The following NID2 variants were observed in gnomAD, a reference collection of about 807,000 sequenced individuals.
NID2 encodes the protein nidogen-2.
Under a neutral mutation model 145.4 loss-of-function variants are expected in NID2, and 83 were observed. The observed-to-expected ratio is 0.57, with a 90% CI of 0.48 to 0.69. NID2 has a LOEUF of 0.69. NID2 is among the 30% of genes least tolerant of loss of function. The pLI is 0.00. For missense variants in NID2, 1,807 were observed against 1,765.7 expected, an observed-to-expected ratio of 1.02 and a Z score of -0.42; for synonymous variants, 739 against 701.3, an observed-to-expected ratio of 1.05 and a Z score of -0.85.
chr14:52,050,743 G>A (rs1892653508), intron 5 of NID2, among the ~76,000 whole-genome samples: 1 of 152,252 alleles, frequency 6.6e-6, no homozygotes, highest in African/African-American at 2.4e-5. Context: ...GAGTAGCTAG[G>A]ACCACAGGTG....
At position 52,011,158 on chromosome 14, in the gene NID2, A is replaced by G. The variant is rs957454427; in HGVS notation, c.3551-111T>C. On this transcript the variant is annotated intron_variant, in intron 17 of 21. Transcript: ENST00000216286. ...GGGTCAGCAGGGGAAAGCAAAGCCC[A>G]AGTGTCTCCAAGTCCCCAAGAACCA... 7 of 909,114 alleles carry G rather than the reference A, an allele frequency of 7.7e-6. No homozygotes were observed. The African/African-American group carries it at 8.4e-5, about 11-fold the overall frequency. The allele number at this position is 909,114 out of a possible 1,614,324, so 56.3% of individuals were successfully genotyped here.
At chr14:52,057,035 T>G (rs1892869072) in intron 3 of NID2, among the ~76,000 whole-genome samples, 1 of 152,152 alleles carries the variant, frequency 6.6e-6, no homozygotes. Flanking sequence ...ATAACTTTAC[T>G]CTTAATTACT....
Position 52,040,679 on chromosome 14 carries a change from G to A in NID2, c.1998C>T (p.Tyr666=), listed in dbSNP as rs143509619. Residue 666 remains tyrosine, a synonymous_variant, in exon 8 of 22, where the codon TAC becomes TAT. Coordinates refer to ENST00000216286, the MANE Select transcript of NID2 (RefSeq NM_007361.4). ...AGTCGGAGTAGTGGTACAGCTCCTT[G>A]TAGGGAGAGATGTGGGCTGTGAAAT... ...SANFTAHISP[Y]KELYHYSDST... is the part of the protein sequence containing the mutation. 6.2e-7 allele frequency: 1 copy of A among 1,614,100 alleles called. No individual in the cohort carries two copies. The highest frequency in any genetic ancestry group is 1.1e-5 in the South Asian group (1 of 91,080).
intron 8 of NID2, among the ~76,000 whole-genome samples, chr14:52,039,398 C>A (rs1378160475): frequency 1.3e-5 from 2 of 152,174 alleles, no homozygotes; most frequent in Non-Finnish European, 2.9e-5. Flanking sequence ...TGACTCTACA[C>A]CCTAAATTTT....
At chr14:52,031,067 A>G (rs1022457079) in intron 9 of NID2, among the ~76,000 whole-genome samples, 1 of 152,212 alleles carries the variant, frequency 6.6e-6, no homozygotes, top group Admixed American at 6.5e-5. Context: ...ATAAAAGTCT[A>G]GCAGTCTGGT....
rs375135702 is a variant in NID2, at chr14:52,010,989, C to G, written c.3609G>C (p.Thr1203=). The change falls in exon 18 of 22, where the codon ACG becomes ACC. Residue 1203 remains threonine, a synonymous_variant. Coordinates refer to ENST00000216286, the MANE Select transcript of NID2 (RefSeq NM_007361.4). ...IDHIRRTMYW[T]DSVLDKIESA... ...TCTCTATCTTATCCAGGACACTGTC[C>G]GTCCAGTACATTGTTCTGCGGATGT... 1.2e-6 allele frequency: 2 copies of G among 1,614,062 alleles called. No individual in the cohort carries two copies. The highest frequency in any genetic ancestry group is 1.7e-6 in the Non-Finnish European group (2 of 1,180,040).
chr14:52,044,961 G>A (rs1892434121), intron 5 of NID2, among the ~76,000 whole-genome samples: 1 of 152,116 alleles, frequency 6.6e-6, no homozygotes, highest in African/African-American at 2.4e-5. Context: ...TAAAGCTGAG[G>A]CACAGTAGAC....
intron 16 of NID2, among the ~76,000 whole-genome samples, chr14:52,012,199 A>G (rs966584383): frequency 6.6e-6 from 1 of 152,160 alleles, no homozygotes; most frequent in Non-Finnish European, 1.5e-5. Flanking sequence ...TATGCCAACA[A>G]AATCTACTCT....
intron 19 of NID2, chr14:52,007,251 T>TA: frequency 6.5e-6 from 1 of 154,842 alleles, no homozygotes; most frequent in East Asian, 1.9e-4. Flanking sequence ...AACTGGGTTA[T>TA]AAAAGTGACC....
At chr14:52,021,061 C>T (rs927515422) in intron 12 of NID2, among the ~76,000 whole-genome samples, 6 of 149,910 alleles carry the variant, frequency 4.0e-5, no homozygotes, top group African/African-American at 9.8e-5. Flanking sequence ...TTAAAACTAA[C>T]GCCCAAGGGA....
At position 52,030,557 on chromosome 14, in the gene NID2, A is replaced by G. The variant is rs1028591999; in HGVS notation, c.2258-867T>C. Among the ~76,000 whole-genome samples the G allele has an allele frequency of 5.5e-5, 4 of 72,220 alleles. 1 individual carries two copies. The highest frequency in any genetic ancestry group is 1.5e-4 in the African/African-American group (3 of 20,590). 47.4% of individuals were successfully genotyped at this position (72,220 alleles called of 152,430 possible). ...GAAAGAAAGAAAGAAAGAAAGAAAG[A>G]AAGAAAGAAAGGAAGGAAGGGAAAG... On this transcript the variant is annotated intron_variant, in intron 9 of 21. Coordinates refer to ENST00000216286, the MANE Select transcript of NID2 (RefSeq NM_007361.4).
chr14:52,060,645 T>C (rs377088048), intron 2 of NID2, among the ~76,000 whole-genome samples: 9 of 152,232 alleles, frequency 5.9e-5, no homozygotes, highest in African/African-American at 2.2e-4. Flanking sequence ...AAAAAATATA[T>C]ACTTTGTAAG....
Position 52,053,948 on chromosome 14 carries a change from G to A in NID2, c.1070-10C>T. ...TCCAAGGTGGAAGATTCTGTTTCAG[G>A]ATAGAATGGCCAATAAGTAGGTGTT... On this transcript the variant is annotated splice_polypyrimidine_tract_variant and intron_variant, in intron 4 of 21. Transcript: ENST00000216286. 1 of 1,612,850 alleles carries A rather than the reference G, an allele frequency of 6.2e-7. No homozygotes were observed. Among genetic ancestry groups the A allele is most frequent in the Non-Finnish European group, 8.5e-7 (1 of 1,179,376 alleles).
intron 19 of NID2, chr14:52,007,190 G>A (rs1365533964): frequency 6.5e-6 from 1 of 153,808 alleles, no homozygotes; most frequent in Admixed American, 6.4e-5. Flanking sequence ...CATTTCTCAT[G>A]GAGCCGATTT....
intron 6 of NID2, 115 bp from the exon 7 acceptor site, chr14:52,042,465 T>A: frequency 7.6e-7 from 1 of 1,316,370 alleles, no homozygotes; most frequent in African/African-American, 1.5e-5. Flanking sequence ...CAAGTCACTT[T>A]AATGATTTCC....
At chr14:52,030,560 G>T (rs1205842156) in intron 9 of NID2, among the ~76,000 whole-genome samples, 1 of 53,122 alleles carries the variant, frequency 1.9e-5, no homozygotes, top group Non-Finnish European at 4.0e-5. Flanking sequence ...AAGAAAGAAA[G>T]AAAGAAAGGA....
intron 5 of NID2, among the ~76,000 whole-genome samples, chr14:52,045,499 A>T (rs192113919): frequency 1.4e-4 from 22 of 152,264 alleles, no homozygotes; most frequent in Admixed American, 1.3e-4. Flanking sequence ...CTTTATTTAA[A>T]CAAGAAAGTG....
Position 52,028,822 on chromosome 14 carries a change from A to C in NID2, c.2430T>G (p.His810Gln), listed in dbSNP as rs775125372. The change falls in exon 11 of 22, where the codon CAT becomes CAG. Residue 810 changes from histidine (H) to glutamine (Q), a missense_variant. Physicochemically the swap from His to Gln is conservative, Grantham distance 24. Coordinates refer to ENST00000216286, the MANE Select transcript of NID2 (RefSeq NM_007361.4). ...TACATACAGAGTTGGGGCCACAGCG[A>C]TGAAAGCCAGTTGCACATTCATTTT... ...VDENECATGF[H>Q]RCGPNSVCIN... 41 of 1,613,850 alleles carry C rather than the reference A, an allele frequency of 2.5e-5. No homozygotes were observed. In the Middle Eastern group the frequency reaches 6.6e-4, roughly 26 times the overall value.
intron 12 of NID2, among the ~76,000 whole-genome samples, chr14:52,025,035 T>C (rs1487274444): frequency 6.6e-6 from 1 of 152,230 alleles, no homozygotes; most frequent in African/African-American, 2.4e-5. Flanking sequence ...GAACTAAATA[T>C]TTTAAAAGCA....
Sources: allele counts gnomAD v4.1 joint callset (sites outside exome capture counted in the v4.1 genomes callset), GRCh38; gene constraint gnomAD v4.1.1; transcripts MANE v1.5; gene names NCBI Gene and HGNC (gene_info 2026-07-23, HGNC 2026-07-21).